The following ZIM2 variants were observed in gnomAD, a reference collection of about 807,000 sequenced individuals.
The protein encoded by ZIM2 is zinc finger imprinted 2, also known as zinc finger protein 656.
ZIM2 carries 14 observed loss-of-function variants against 38.6 expected under a neutral mutation model. The ratio of observed to expected loss-of-function variants is 0.36; its 90% CI spans 0.24 to 0.57. The LOEUF is 0.57. Ranked by LOEUF, ZIM2 falls within the 20% of genes least tolerant of loss-of-function variation. The pLI is 0.81. For synonymous variants in ZIM2, 247 were observed against 245.8 expected (o/e 1.00, Z -0.04); for missense variants, 680 against 695.1 (o/e 0.98, Z 0.24).
chr19:56,830,542 C>T (rs1056956942), intron 2 of ZIM2, among the ~76,000 whole-genome samples: 5 of 152,144 alleles, frequency 3.3e-5, no homozygotes, highest in African/African-American at 1.2e-4. Flanking sequence ...AAGGAAGGGA[C>T]AGCTATACCA....
Position 56,814,627 on chromosome 19 carries a change from A to C in ZIM2, c.490+3119T>G. Reference sequence around the variant, plus strand: ...TCTCTCTTCGGTCTGACTTCTCTGAAACTCAGTGAGGGCTAAGCCTGGAAT... The same window carrying C: ...TCTCTCTTCGGTCTGACTTCTCTGACACTCAGTGAGGGCTAAGCCTGGAAT... On this transcript the variant is annotated intron_variant, in intron 9 of 12. Coordinates refer to ENST00000629319, the MANE Select transcript of ZIM2 (RefSeq NM_001387356.1). The surrounding 1 kb of genome is among the most constrained non-coding windows in gnomAD (Gnocchi z 5.8). 1 of 1,614,102 alleles carries C rather than the reference A, an allele frequency of 6.2e-7. No individual in the cohort carries two copies. The highest frequency in any genetic ancestry group is 8.5e-7 in the Non-Finnish European group (1 of 1,179,988).
At chr19:56,839,637 C>A (rs2062731189) in intron 1 of ZIM2, among the ~76,000 whole-genome samples, 1 of 152,212 alleles carries the variant, frequency 6.6e-6, no homozygotes, top group Non-Finnish European at 1.5e-5. Context: ...TAGAACAGCG[C>A]CTACTCGGCA....
At chr19:56,795,827 C>T (rs2047192502) in intron 9 of ZIM2, among the ~76,000 whole-genome samples, 1 of 151,858 alleles carries the variant, frequency 6.6e-6, no homozygotes, top group South Asian at 2.1e-4. Flanking sequence ...GGCGACAGAG[C>T]GAGACTCCAC....
rs757349009 is a variant in ZIM2 at position 56,817,798 on chromosome 19, C to T, written c.438G>A (p.Thr146=). Residue 146 remains threonine, a synonymous_variant, in exon 9 of 13, where the codon ACG becomes ACA. Coordinates refer to ENST00000629319, the MANE Select transcript of ZIM2 (RefSeq NM_001387356.1). The part of the protein sequence containing the change: ...LAEDDGHSHM[T]QGHSSRSKRS... Reference sequence around the variant, plus strand: ...TCTTGGATCTTGATGAGTGGCCCTGCGTCATGTGGGAGTGGCCATCGTCTT... The same window carrying T: ...TCTTGGATCTTGATGAGTGGCCCTGTGTCATGTGGGAGTGGCCATCGTCTT... 8.7e-6 allele frequency: 14 copies of T among 1,614,080 alleles called. No individual in the cohort carries two copies. Among genetic ancestry groups the T allele is most frequent in the South Asian group, 3.3e-5 (3 of 91,064 alleles).
intron 2 of ZIM2, among the ~76,000 whole-genome samples, chr19:56,830,290 T>C (rs1213027263): frequency 6.6e-6 from 1 of 152,202 alleles, no homozygotes; most frequent in Non-Finnish European, 1.5e-5. Flanking sequence ...TGAAAGGCTA[T>C]TCCAGGAATA....
chr19:56,820,689 T>A (rs2060403895), intron 7 of ZIM2, among the ~76,000 whole-genome samples: 1 of 152,214 alleles, frequency 6.6e-6, no homozygotes, highest in African/African-American at 2.4e-5. Context: ...TTGTTACAAT[T>A]TCTTGTTAAC....
chr19:56,798,634 C>T (rs2047345308), intron 9 of ZIM2: 1 of 152,080 alleles, frequency 6.6e-6, no homozygotes, highest in African/African-American at 2.4e-5. Flanking sequence ...AACTAAAGAG[C>T]TTCTGTACAG....
At chr19:56,779,561 C>A in intron 11 of ZIM2, 89 bp from the exon 12 acceptor site, 1 of 1,273,622 alleles carries the variant, frequency 7.9e-7, no homozygotes, top group South Asian at 1.3e-5. Flanking sequence ...AAGGAACAAA[C>A]TCTCGCAGGA....
Position 56,813,933 on chromosome 19 carries a change from T to A in ZIM2, c.490+3813A>T, listed in dbSNP as rs1035781751. ...CTGTGCATTCATGGCAGTCATAGTA[T>A]GGTTCTTCTACCTGAATCTCTTGAT... On this transcript the variant is annotated intron_variant, in intron 9 of 12. Coordinates refer to ENST00000629319, the MANE Select transcript of ZIM2 (RefSeq NM_001387356.1). 8.1e-6 allele frequency: 13 copies of A among 1,614,092 alleles called. No individual in the cohort carries two copies. The East Asian group carries it at 2.9e-4, about 36-fold the overall frequency.
chr19:56,787,481 G>A (rs938729220), intron 10 of ZIM2, among the ~76,000 whole-genome samples: 17 of 152,162 alleles, frequency 1.1e-4, no homozygotes, highest in Non-Finnish European at 2.1e-4. Flanking sequence ...TCACCATGTT[G>A]GTCAGGCTGG....
At chr19:56,779,332 A>C in intron 12 of ZIM2, 45 bp downstream of exon 12, 2 of 1,599,962 alleles carry the variant, frequency 1.3e-6, no homozygotes, top group Non-Finnish European at 1.7e-6. Flanking sequence ...ACTAGCATTT[A>C]CTGGTTCCCC....
chr19:56,797,966 A>G (rs1290143562), intron 9 of ZIM2: 3 of 152,174 alleles, frequency 2.0e-5, no homozygotes, highest in Non-Finnish European at 4.4e-5. Context: ...AAAGCTCCAT[A>G]TCTTCCTTTC....
At chr19:56,834,608 T>G (rs1375644918) in intron 2 of ZIM2, among the ~76,000 whole-genome samples, 2 of 152,190 alleles carry the variant, frequency 1.3e-5, no homozygotes, top group African/African-American at 4.8e-5. Flanking sequence ...TTAAGTCTCC[T>G]GAGCTTAGTT....
chr19:56,824,148 C>G, intron 4 of ZIM2, 114 bp downstream of exon 4: 1 of 1,492,176 alleles, frequency 6.7e-7, no homozygotes, highest in South Asian at 1.4e-5. Flanking sequence ...ATCCCCACCG[C>G]TGCCCAGGAC....
intron 9 of ZIM2, among the ~76,000 whole-genome samples, chr19:56,807,443 G>T (rs931462223): frequency 1.3e-5 from 2 of 152,178 alleles, no homozygotes; most frequent in Admixed American, 1.3e-4. Context: ...TGATAGGATA[G>T]ATTCCCTTGA....
Position 56,821,631 on chromosome 19 carries a change from G to A in ZIM2, c.294+20C>T. On this transcript the variant is annotated intron_variant, in intron 7 of 12. Transcript: ENST00000629319. ...GAAATGAAGATGGCCTTTCTAGAAA[G>A]AGAGGAAACCTGAGCATACCTGAGA... 1.2e-6 allele frequency: 2 copies of A among 1,611,698 alleles called. No homozygotes were observed. The highest frequency in any genetic ancestry group is 1.7e-6 in the Non-Finnish European group (2 of 1,179,294).
chr19:56,781,624 C>T (rs1297097784), intron 11 of ZIM2, among the ~76,000 whole-genome samples: 1 of 152,070 alleles, frequency 6.6e-6, no homozygotes, highest in African/African-American at 2.4e-5. Context: ...TTTAGCCTTT[C>T]AATGACTCAG....
intron 9 of ZIM2, chr19:56,798,899 A>G (rs946485611): frequency 1.3e-5 from 2 of 152,200 alleles, no homozygotes; most frequent in African/African-American, 4.8e-5. Flanking sequence ...AATGCACATG[A>G]AAACCACAAT....
At chr19:56,829,211 C>T (rs1477466306) in intron 2 of ZIM2, among the ~76,000 whole-genome samples, 1 of 151,810 alleles carries the variant, frequency 6.6e-6, no homozygotes, top group Non-Finnish European at 1.5e-5. Context: ...ATTAGCTGGG[C>T]GTGGTGGCAG....
Sources: allele counts gnomAD v4.1 joint callset (sites outside exome capture counted in the v4.1 genomes callset), GRCh38; gene constraint gnomAD v4.1.1; non-coding constraint Gnocchi (gnomAD v3.1); transcripts MANE v1.5; gene names NCBI Gene and HGNC (gene_info 2026-07-23, HGNC 2026-07-21).